POU6F2: variants seen among roughly 807,000 people sequenced by gnomAD.
POU6F2 encodes the protein POU domain, class 6, transcription factor 2.
Under a neutral mutation model 71.3 loss-of-function variants are expected in POU6F2, and 31 were observed. That is an observed-to-expected ratio of 0.43 (90% CI 0.33 to 0.59). The LOEUF is 0.59. Ranked by LOEUF, POU6F2 falls within the 20% of genes least tolerant of loss-of-function variation. The pLI is 0.04. For missense variants in POU6F2, 783 were observed against 856.8 expected, an observed-to-expected ratio of 0.91 and a Z score of 1.07; for synonymous variants, 347 against 355.7, an observed-to-expected ratio of 0.98 and a Z score of 0.27.
At chr7:39,160,728 A>G (rs977048798) in intron 2 of POU6F2, among the ~76,000 whole-genome samples, 1 of 152,106 alleles carries the variant, frequency 6.6e-6, no homozygotes, top group African/African-American at 2.4e-5. Context: ...ACTTGCCTCA[A>G]TATTCTTAGC....
At chr7:39,322,506 A>G (rs959245121) in intron 4 of POU6F2, among the ~76,000 whole-genome samples, 1 of 152,166 alleles carries the variant, frequency 6.6e-6, no homozygotes, top group African/African-American at 2.4e-5. Context: ...TAATCTGTCC[A>G]TCTCAGACCT....
intron 5 of POU6F2, among the ~76,000 whole-genome samples, chr7:39,354,637 C>T (rs951018268): frequency 1.3e-5 from 2 of 152,140 alleles, no homozygotes; most frequent in Admixed American, 6.5e-5. Flanking sequence ...TTCATTGTAT[C>T]TCCTTGAATC....
intron 6 of POU6F2, among the ~76,000 whole-genome samples, chr7:39,424,544 G>A (rs962815588): frequency 6.6e-5 from 10 of 152,104 alleles, no homozygotes; most frequent in Non-Finnish European, 1.2e-4. Flanking sequence ...CCTAGACACC[G>A]ATTGCTGCCC....
At chr7:39,309,140 A>T (rs1365481630) in intron 4 of POU6F2, among the ~76,000 whole-genome samples, 1 of 152,146 alleles carries the variant, frequency 6.6e-6, no homozygotes, top group African/African-American at 2.4e-5. Context: ...AACGAGGGGG[A>T]GGGAGTCGGG....
intron 1 of POU6F2, among the ~76,000 whole-genome samples, chr7:39,036,025 C>T (rs562563678): frequency 3.3e-5 from 5 of 152,096 alleles, no homozygotes; most frequent in African/African-American, 9.6e-5. Context: ...GGAAAAATGC[C>T]GCCCAAAGAA....
At chr7:39,072,980 A>C (rs1525798) in intron 1 of POU6F2, among the ~76,000 whole-genome samples, 47,204 of 152,050 alleles carry the variant, frequency 0.31, 8,032 homozygotes, top group East Asian at 0.77. Flanking sequence ...GGCACAAAGA[A>C]GATGCCGAAT....
intron 4 of POU6F2, among the ~76,000 whole-genome samples, chr7:39,219,506 C>G (rs539625859): frequency 2.6e-5 from 4 of 152,230 alleles, no homozygotes; most frequent in African/African-American, 4.8e-5. Flanking sequence ...ATGTTTAGAT[C>G]TGGTGCTATA....
intron 2 of POU6F2, among the ~76,000 whole-genome samples, chr7:39,137,636 C>A (rs1028521510): frequency 2.0e-5 from 3 of 152,134 alleles, no homozygotes; most frequent in Admixed American, 2.0e-4. Flanking sequence ...ACAAAAAAGA[C>A]AACATACAGA....
At chr7:39,315,011 G>A (rs866724808) in intron 4 of POU6F2, among the ~76,000 whole-genome samples, 2 of 152,146 alleles carry the variant, frequency 1.3e-5, no homozygotes, top group Admixed American at 1.3e-4. Flanking sequence ...CTGTAACACT[G>A]CACTGTTACA....
At chr7:39,160,945 AT>A (rs1792981753) in intron 2 of POU6F2, among the ~76,000 whole-genome samples, 1 of 152,186 alleles carries the variant, frequency 6.6e-6, no homozygotes, top group African/African-American at 2.4e-5. Flanking sequence ...TGTTAAATAG[AT>A]GTTGAATTGA....
At chr7:39,037,774 T>C (rs759270911) in intron 1 of POU6F2, among the ~76,000 whole-genome samples, 1 of 152,050 alleles carries the variant, frequency 6.6e-6, no homozygotes, top group Non-Finnish European at 1.5e-5. Context: ...TGATTTGCTC[T>C]TGGGAGAGGT....
At chr7:39,054,263 T>C (rs1051834664) in intron 1 of POU6F2, among the ~76,000 whole-genome samples, 2 of 152,146 alleles carry the variant, frequency 1.3e-5, no homozygotes, top group African/African-American at 4.8e-5. Context: ...ATAATTATTA[T>C]TATCCTATTA....
chr7:39,417,042 TAGA>T (rs1324712362), intron 6 of POU6F2, among the ~76,000 whole-genome samples: 1 of 152,124 alleles, frequency 6.6e-6, no homozygotes, highest in Non-Finnish European at 1.5e-5. Context: ...TTGATTTGAG[TAGA>T]AGGAGGGTGG....
At chr7:39,043,619 C>A (rs1383359203) in intron 1 of POU6F2, among the ~76,000 whole-genome samples, 10 of 151,920 alleles carry the variant, frequency 6.6e-5, no homozygotes, top group Non-Finnish European at 1.5e-4. Flanking sequence ...TAATTGCACA[C>A]CAACTGGATT....
At chr7:39,241,964 C>T (rs988873956) in intron 4 of POU6F2, among the ~76,000 whole-genome samples, 5 of 152,192 alleles carry the variant, frequency 3.3e-5, no homozygotes, top group South Asian at 2.1e-4. Flanking sequence ...TTTTTCTGAA[C>T]GTCATGTGTA....
rs112950015 is a variant in POU6F2, at chr7:39,108,626, G to C, written c.277+22595G>C. On this transcript the variant is annotated intron_variant, in intron 2 of 9. Coordinates refer to ENST00000518318, the MANE Select transcript of POU6F2 (RefSeq NM_001370959.1). ...CTAGAGATATCTTCATTTGCCCAGA[G>C]AAATTATGAGATACAGTGAATGCAT... Among the ~76,000 whole-genome samples the C allele has an allele frequency of 3.3e-3, 501 of 152,270 alleles. 4 individuals are homozygous for C. Among genetic ancestry groups the C allele is most frequent in the African/African-American group, 0.012 (480 of 41,562 alleles).
At chr7:39,438,153 T>TTC (rs757381564) in intron 7 of POU6F2, among the ~76,000 whole-genome samples, 9 of 152,084 alleles carry the variant, frequency 5.9e-5, no homozygotes, top group Non-Finnish European at 1.2e-4. Flanking sequence ...TGTCCAAGTG[T>TTC]TCTCATTGTT....
At chr7:39,147,454 A>G (rs1792646475) in intron 2 of POU6F2, among the ~76,000 whole-genome samples, 1 of 152,212 alleles carries the variant, frequency 6.6e-6, no homozygotes, top group African/African-American at 2.4e-5. Flanking sequence ...AATTTAACCT[A>G]TATGGGAGTT....
chr7:39,180,248 G>A (rs368479624), intron 2 of POU6F2, among the ~76,000 whole-genome samples: 42 of 152,276 alleles, frequency 2.8e-4, no homozygotes, highest in African/African-American at 8.2e-4. Flanking sequence ...CTTTCTCAGC[G>A]GAGGGTCTAT....
Sources: allele counts gnomAD v4.1 joint callset (sites outside exome capture counted in the v4.1 genomes callset), GRCh38; gene constraint gnomAD v4.1.1; transcripts MANE v1.5; gene names NCBI Gene and HGNC (gene_info 2026-07-23, HGNC 2026-07-21).